Variants in ARID5B observed in about 807,000 individuals in gnomAD.
The protein encoded by ARID5B is AT-rich interactive domain-containing protein 5B.
ARID5B carries 13 observed loss-of-function variants against 97.2 expected under a neutral mutation model. That is an observed-to-expected ratio of 0.13 (90% CI 0.09 to 0.21). ARID5B has a LOEUF of 0.21. Ranked by LOEUF, ARID5B falls within the 10% of genes least tolerant of loss-of-function variation. The pLI is 1.00. For synonymous variants in ARID5B, 556 were observed against 570.3 expected (o/e 0.97, Z 0.36); for missense variants, 1,210 against 1,465.3 (o/e 0.83, Z 2.84).
chr10:61,983,284 C>G (rs1838801370), intron 3 of ARID5B, among the ~76,000 whole-genome samples: 1 of 152,154 alleles, frequency 6.6e-6, no homozygotes, highest in Admixed American at 6.5e-5. Context: ...CCTTCCTTTC[C>G]TCCTCCTCCC....
intron 3 of ARID5B, among the ~76,000 whole-genome samples, chr10:61,968,086 T>C (rs1465618750): frequency 3.4e-5 from 5 of 147,740 alleles, no homozygotes; most frequent in African/African-American, 1.3e-4. Context: ...TTCATGAAAA[T>C]TACCTAAGTA....
chr10:62,083,474 G>A (rs1840242480), intron 8 of ARID5B, among the ~76,000 whole-genome samples: 1 of 152,136 alleles, frequency 6.6e-6, no homozygotes, highest in Non-Finnish European at 1.5e-5. Context: ...TCCATGGGGT[G>A]TCTCTCCCAC....
intron 2 of ARID5B, among the ~76,000 whole-genome samples, chr10:61,925,200 C>T (rs1391590496): frequency 2.0e-5 from 3 of 151,132 alleles, no homozygotes; most frequent in Non-Finnish European, 4.4e-5. Context: ...GACTCTGTCT[C>T]CAAGAAAAAA....
intron 8 of ARID5B, among the ~76,000 whole-genome samples, chr10:62,075,260 A>G (rs1840113195): frequency 6.6e-6 from 1 of 152,222 alleles, no homozygotes; most frequent in African/African-American, 2.4e-5. Flanking sequence ...TGTTTTCAAG[A>G]TATTTTTTTA....
At chr10:62,058,878 A>G (rs1187406689) in intron 6 of ARID5B, among the ~76,000 whole-genome samples, 1 of 152,198 alleles carries the variant, frequency 6.6e-6, no homozygotes, top group Non-Finnish European at 1.5e-5. Flanking sequence ...TGTTTAATCA[A>G]TGGCGTCTAA....
At chr10:61,909,545 C>T (rs953348695) in intron 2 of ARID5B, among the ~76,000 whole-genome samples, 2 of 151,766 alleles carry the variant, frequency 1.3e-5, no homozygotes, top group East Asian at 1.9e-4. Flanking sequence ...CAGGATGGTC[C>T]CGATCTCCTG....
intron 8 of ARID5B, among the ~76,000 whole-genome samples, chr10:62,075,716 G>A (rs1840122620): frequency 1.3e-5 from 2 of 152,148 alleles, no homozygotes; most frequent in African/African-American, 2.4e-5. Flanking sequence ...TCATGCAGGC[G>A]CCTCCAGTTT....
intron 3 of ARID5B, among the ~76,000 whole-genome samples, chr10:61,941,684 CAGTTTG>C (rs1347888935): frequency 2.0e-5 from 3 of 152,160 alleles, no homozygotes; most frequent in African/African-American, 7.2e-5. Context: ...TATTTTCTTG[CAGTTTG>C]AGTTTAACTA....
At chr10:62,063,890 C>T (rs896144485) in intron 7 of ARID5B, among the ~76,000 whole-genome samples, 3 of 152,166 alleles carry the variant, frequency 2.0e-5, no homozygotes, top group East Asian at 3.9e-4. Flanking sequence ...TACCAGGATG[C>T]AGCATATGGC....
intron 2 of ARID5B, among the ~76,000 whole-genome samples, chr10:61,910,966 C>A (rs1024485401): frequency 1.3e-5 from 2 of 152,172 alleles, no homozygotes; most frequent in Non-Finnish European, 2.9e-5. Context: ...GAACCCCAGG[C>A]GGCAAAGGCC....
chr10:61,914,555 T>C lies in ARID5B; in HGVS notation c.276+12142T>C, dbSNP rs116120720. ...TGTAGTCTTAAAACCGAATTCACGC[T>C]TCCTTCTAGAGTGCTTTCTCTGTGT... On this transcript the variant is annotated intron_variant, in intron 2 of 9. Coordinates refer to ENST00000279873, the MANE Select transcript of ARID5B (RefSeq NM_032199.3). Among the ~76,000 whole-genome samples the C allele has an allele frequency of 2.8e-3, 424 of 152,326 alleles. 4 individuals are homozygous for C. The highest frequency in any genetic ancestry group is 9.8e-3 in the African/African-American group (406 of 41,564).
chr10:61,902,278 GC>G lies in ARID5B; in HGVS notation c.143del (p.Pro48GlnfsTer7), dbSNP rs1843629599. The G allele has an allele frequency of 6.2e-7, 1 of 1,613,930 alleles. No homozygotes were observed. The highest frequency in any genetic ancestry group is 1.7e-5 in the Admixed American group (1 of 59,978). On this transcript the variant is annotated frameshift_variant, in exon 2 of 10. Transcript: ENST00000279873. LOFTEE classifies it high-confidence loss of function. The stretch of plus-strand genomic sequence containing the variant: ...GCGACTTTTTCTTTGTAAGATGTAC[GC>G]CAAAGGATCCGATTTGCATAGCGGA... The part of the protein sequence containing the change: ...LGDFFFVRCT[P>X]KDPICIAELQ...
intron 3 of ARID5B, among the ~76,000 whole-genome samples, chr10:61,984,263 A>C (rs1055352922): frequency 1.3e-5 from 2 of 152,198 alleles, no homozygotes; most frequent in Non-Finnish European, 2.9e-5. Flanking sequence ...AATGGAGGAT[A>C]GGACTGGGAG....
At chr10:61,954,187 G>A (rs12267437) in intron 3 of ARID5B, among the ~76,000 whole-genome samples, 4,543 of 151,520 alleles carry the variant, frequency 0.03, 233 homozygotes, top group African/African-American at 0.1. Flanking sequence ...GAGAAACCCC[G>A]TATCCACTAA....
intron 2 of ARID5B, among the ~76,000 whole-genome samples, chr10:61,915,523 AGAAT>A (rs1416506173): frequency 6.6e-6 from 1 of 152,200 alleles, no homozygotes; most frequent in Non-Finnish European, 1.5e-5. Flanking sequence ...ACCTCCCTGC[AGAAT>A]GGTTTCTGGG....
chr10:62,091,044 G>C lies in ARID5B; in HGVS notation c.1581G>C (p.Glu527Asp). The C allele has an allele frequency of 1.2e-6, 2 of 1,614,118 alleles. 1 individual carries two copies. The highest frequency in any genetic ancestry group is 2.2e-5 in the South Asian group (2 of 91,064). The change falls in exon 10 of 10, where the codon GAG becomes GAC. Residue 527 changes from glutamate (E) to aspartate (D), a missense_variant. Around this residue, in one of 8 missense-constraint regions of ARID5B, gnomAD observed 800 missense variants for 839.1 expected, o/e 0.95. Transcript: ENST00000279873. ...DNETDQGSNSEKVAEEAGEKG... is the reference protein window; with the variant it reads ...DNETDQGSNSDKVAEEAGEKG... ...AAACAGACCAAGGTTCCAACAGTGAGAAGGTGGCAGAGGAGGCGGGAGAGA... is the reference window on the plus strand; with the variant it reads ...AAACAGACCAAGGTTCCAACAGTGACAAGGTGGCAGAGGAGGCGGGAGAGA...
intron 3 of ARID5B, among the ~76,000 whole-genome samples, chr10:61,966,477 C>T (rs577551199): frequency 1.3e-5 from 2 of 152,188 alleles, no homozygotes; most frequent in South Asian, 2.1e-4. Context: ...AGTAATTTTC[C>T]CATCGTTCTC....
intron 2 of ARID5B, among the ~76,000 whole-genome samples, chr10:61,903,956 A>G (rs1429162819): frequency 7.2e-6 from 1 of 138,954 alleles, no homozygotes; most frequent in African/African-American, 2.7e-5. Context: ...GTCCGCCTGC[A>G]ATTTTAAAAA....
rs748934833 is a variant in ARID5B at position 62,051,020 on chromosome 10, G to A, written c.846+20G>A. The A allele has an allele frequency of 2.3e-5, 37 of 1,584,922 alleles. No homozygotes were observed. In the Admixed American group the frequency reaches 3.5e-4, roughly 15 times the overall value. On this transcript the variant is annotated intron_variant, in intron 5 of 9. Coordinates refer to ENST00000279873, the MANE Select transcript of ARID5B (RefSeq NM_032199.3). Reference sequence around the variant, plus strand: ...GCCAAGGTACGGTCATTCACTCCACGGTATTCATTTCGTTGCATCTTTTTA... The same window carrying A: ...GCCAAGGTACGGTCATTCACTCCACAGTATTCATTTCGTTGCATCTTTTTA...
Sources: gnomAD v4.1 joint callset for allele counts (sites outside exome capture counted in the v4.1 genomes callset) on GRCh38, gnomAD v4.1.1 for gene constraint, gnomAD v4.1.1 regional missense constraint, MANE v1.5 for transcripts, NCBI Gene and HGNC (gene_info 2026-07-23, HGNC 2026-07-21) for gene names.